The following CDYL variants were observed in gnomAD, a reference collection of about 807,000 sequenced individuals.
CDYL encodes chromodomain Y like, also known as chromodomain Y-like protein.
In CDYL, 8 loss-of-function variants were observed where a neutral mutation model predicts 47.3. The observed-to-expected ratio is 0.17, with a 90% CI of 0.10 to 0.31. CDYL has a LOEUF of 0.31. CDYL is among the 10% of genes least tolerant of loss of function. CDYL has a pLI of 1.00. For missense variants in CDYL, 471 were observed against 701.4 expected (o/e 0.67, Z 3.71); for synonymous variants, 266 against 265.0 (o/e 1.00, Z -0.04).
chr6:4,916,325 T>C (rs1427234367), intron 2 of CDYL, among the ~76,000 whole-genome samples: 1 of 152,232 alleles, frequency 6.6e-6, no homozygotes, highest in Non-Finnish European at 1.5e-5. Flanking sequence ...TGCATACCTC[T>C]AGCCTTCTCT....
intron 2 of CDYL, among the ~76,000 whole-genome samples, chr6:4,906,235 T>A (rs1757233368): frequency 6.6e-6 from 1 of 152,262 alleles, no homozygotes; most frequent in African/African-American, 2.4e-5. Flanking sequence ...GTATTCCATG[T>A]TCACATTGTA....
At chr6:4,753,864 A>C (rs1211993824) in intron 3 of CDYL, among the ~76,000 whole-genome samples, 1 of 152,138 alleles carries the variant, frequency 6.6e-6, no homozygotes, top group Non-Finnish European at 1.5e-5. Flanking sequence ...CCACTAGGAA[A>C]CTTGGGGCCA....
intron 1 of CDYL, among the ~76,000 whole-genome samples, chr6:4,806,423 A>G (rs1759371659): frequency 6.6e-6 from 1 of 151,892 alleles, no homozygotes. Flanking sequence ...GTCAAACAGA[A>G]AGTGTTTCAA....
intron 3 of CDYL, among the ~76,000 whole-genome samples, chr6:4,764,787 A>T (rs946954191): frequency 1.3e-5 from 2 of 152,220 alleles, no homozygotes; most frequent in Non-Finnish European, 1.5e-5. Context: ...GGATATTTTA[A>T]TGCACCTGTC....
chr6:4,883,168 A>G (rs1036773917), intron 1 of CDYL, among the ~76,000 whole-genome samples: 7 of 152,092 alleles, frequency 4.6e-5, no homozygotes, highest in East Asian at 3.8e-4. Context: ...GAAACATACA[A>G]TTTTGTCCTG....
At chr6:4,923,313 G>A (rs1249486235) in intron 2 of CDYL, among the ~76,000 whole-genome samples, 1 of 152,170 alleles carries the variant, frequency 6.6e-6, no homozygotes, top group African/African-American at 2.4e-5. Flanking sequence ...GTGAGATCAT[G>A]CAGTATTTGT....
intron 1 of CDYL, among the ~76,000 whole-genome samples, chr6:4,875,656 CTGGT>C (rs1039146063): frequency 1.3e-5 from 2 of 152,086 alleles, no homozygotes; most frequent in African/African-American, 4.8e-5. Context: ...TTCACTTTTT[CTGGT>C]TGGTTGGTTG....
At chr6:4,723,281 A>T (rs1479055767) in intron 2 of CDYL, among the ~76,000 whole-genome samples, 1 of 152,166 alleles carries the variant, frequency 6.6e-6, no homozygotes, top group Non-Finnish European at 1.5e-5. Context: ...CTATGCCATT[A>T]TATCAGGGAC....
At chr6:4,943,850 T>C in intron 5 of CDYL, 94 bp downstream of exon 5, 2 of 882,490 alleles carry the variant, frequency 2.3e-6, no homozygotes, top group Non-Finnish European at 1.7e-6. Context: ...AGCTGTACAG[T>C]GTGTCATTCT....
chr6:4,875,100 C>T (rs1761583294), intron 1 of CDYL, among the ~76,000 whole-genome samples: 1 of 152,102 alleles, frequency 6.6e-6, no homozygotes, highest in African/African-American at 2.4e-5. Context: ...TAAGAAGCTC[C>T]ACATGGTTTT....
Position 4,891,921 on chromosome 6 carries a change from A to G in CDYL, c.233A>G (p.Asn78Ser). ...LTRTNRTSPN[N>S]ARKQISRSTN... is the part of the protein sequence containing the mutation. ...AGAACAAACAGGACCTCTCCCAACA[A>G]TGCTAGGAAACAAATCTCCAGATCC... The change falls in exon 2 of 7, where the codon AAT becomes AGT. Residue 78 changes from asparagine to serine, a missense_variant. Physicochemically the swap from Asn to Ser is conservative, Grantham distance 46. Around this residue, in one of 3 missense-constraint regions of CDYL, gnomAD observed 311 missense variants for 350.0 expected, o/e 0.89. Coordinates refer to ENST00000397588, the MANE Select transcript of CDYL (RefSeq NM_004824.4). 1 of 1,614,126 alleles carries G rather than the reference A, an allele frequency of 6.2e-7. No homozygotes were observed. Among genetic ancestry groups the G allele is most frequent in the Non-Finnish European group, 8.5e-7 (1 of 1,180,008 alleles).
intron 2 of CDYL, among the ~76,000 whole-genome samples, chr6:4,926,972 C>T (rs4354198): frequency 0.97 from 148,378 of 152,258 alleles, 72,422 homozygotes; most frequent in East Asian, 1. Context: ...AGGTGTGATG[C>T]AAATGGCAGC....
chr6:4,754,361 A>G (rs997162534), intron 3 of CDYL, among the ~76,000 whole-genome samples: 1 of 152,210 alleles, frequency 6.6e-6, no homozygotes, highest in Admixed American at 6.5e-5. Flanking sequence ...TTCATTTCAG[A>G]AGACATATTT....
Position 4,836,260 on chromosome 6 carries a change from T to A in CDYL, c.25-55453T>A, listed in dbSNP as rs115929441. On this transcript the variant is annotated intron_variant, in intron 1 of 6. Coordinates refer to ENST00000397588, the MANE Select transcript of CDYL (RefSeq NM_004824.4). ...CTTAGGTTTCTAAGTCAGCCACAAA[T>A]GCTACCCAAAACTACATAAAGAAGA... is the stretch of plus-strand genomic sequence containing the variant. The A allele has an allele frequency of 1.8e-3, 1,730 of 985,526 alleles. 24 individuals are homozygous for A. In the African/African-American group the frequency reaches 0.027, roughly 16 times the overall value. The allele number at this position is 985,526 out of a possible 1,614,324, so 61.0% of individuals were successfully genotyped here. A position where few individuals can be genotyped will look rare whatever the true frequency, so the allele number is the denominator to read the frequency against.
intron 3 of CDYL, among the ~76,000 whole-genome samples, chr6:4,749,391 A>G (rs1294977956): frequency 6.6e-6 from 1 of 151,732 alleles, no homozygotes; most frequent in Non-Finnish European, 1.5e-5. Flanking sequence ...TGATGGATAG[A>G]TGGATGGATG....
At chr6:4,821,479 A>T (rs1759835840) in intron 1 of CDYL, among the ~76,000 whole-genome samples, 1 of 151,908 alleles carries the variant, frequency 6.6e-6, no homozygotes, top group Non-Finnish European at 1.5e-5. Flanking sequence ...CATGCCTGTA[A>T]TCCCGGCACT....
At chr6:4,753,491 G>A (rs1263363941) in intron 3 of CDYL, among the ~76,000 whole-genome samples, 4 of 152,086 alleles carry the variant, frequency 2.6e-5, no homozygotes, top group Non-Finnish European at 4.4e-5. Flanking sequence ...GTGAAGAATC[G>A]CCTGAAGGTT....
rs984502012 is a variant in CDYL at position 4,725,376 on chromosome 6, A to AG, written c.104-9381dup. Reference sequence around the variant, plus strand: ...CCGATGGGACTGGGCGCCGTGGAGCAGGGGGCGGCGCTCGTGGGGGAGGCT... The same window carrying AG: ...CCGATGGGACTGGGCGCCGTGGAGCAGGGGGGCGGCGCTCGTGGGGGAGGCT... On this transcript the variant is annotated intron_variant, in intron 2 of 8. Transcript: ENST00000328908. Among the ~76,000 whole-genome samples the AG allele has an allele frequency of 3.0e-4, 46 of 152,310 alleles. 1 individual carries two copies. The highest frequency in any genetic ancestry group is 2.5e-3 in the Admixed American group (39 of 15,298).
intron 3 of CDYL, among the ~76,000 whole-genome samples, chr6:4,764,850 T>G (rs546868983): frequency 1.2e-4 from 18 of 145,618 alleles, no homozygotes; most frequent in African/African-American, 4.6e-4. Flanking sequence ...ACAGCAAAAT[T>G]AAACACACAC....
Sources: allele counts gnomAD v4.1 joint callset (sites outside exome capture counted in the v4.1 genomes callset), GRCh38; gene constraint gnomAD v4.1.1; regional missense constraint gnomAD v4.1.1; transcripts MANE v1.5; gene names NCBI Gene and HGNC (gene_info 2026-07-23, HGNC 2026-07-21).